Variants in SGIP1 observed in about 807,000 individuals in gnomAD.
SGIP1 encodes SH3-containing GRB2-like protein 3-interacting protein 1.
SGIP1 carries 38 observed loss-of-function variants against 107.5 expected under a neutral mutation model. The observed-to-expected ratio is 0.35, with a 90% confidence interval of 0.27 to 0.46. SGIP1 has a LOEUF of 0.46. Ranked by LOEUF, SGIP1 falls within the 20% of genes least tolerant of loss-of-function variation. SGIP1 has a pLI of 1.00. For synonymous variants in SGIP1, 365 were observed against 366.1 expected (o/e 1.00, Z 0.03); for missense variants, 929 against 1,019.5 (o/e 0.91, Z 1.21).
intron 20 of SGIP1, among the ~76,000 whole-genome samples, chr1:66,729,685 A>G (rs2093918854): frequency 6.6e-6 from 1 of 152,218 alleles, no homozygotes; most frequent in South Asian, 2.1e-4. Context: ...GAAAATCTGT[A>G]TCAGCAACAG....
At chr1:66,700,417 C>T (rs2091730452) in intron 18 of SGIP1, among the ~76,000 whole-genome samples, 1 of 151,676 alleles carries the variant, frequency 6.6e-6, no homozygotes, top group African/African-American at 2.4e-5. Flanking sequence ...CTCTGGCCAC[C>T]TAGCCAGAGG....
chr1:66,617,087 A>G (rs2069523814), intron 1 of SGIP1, among the ~76,000 whole-genome samples: 1 of 152,200 alleles, frequency 6.6e-6, no homozygotes, highest in East Asian at 1.9e-4. Context: ...TCAAGTAGAA[A>G]TGTAGGTGAA....
chr1:66,605,555 A>G (rs1160323222), intron 1 of SGIP1, among the ~76,000 whole-genome samples: 1 of 151,656 alleles, frequency 6.6e-6, no homozygotes, highest in Admixed American at 6.6e-5. Flanking sequence ...TTAAAGGTGT[A>G]TGAGAGGAGG....
At chr1:66,710,355 A>C (rs1295712875) in intron 18 of SGIP1, among the ~76,000 whole-genome samples, 2 of 152,096 alleles carry the variant, frequency 1.3e-5, no homozygotes, top group East Asian at 3.9e-4. Flanking sequence ...ACATGACACG[A>C]CTGTAAGGCA....
intron 18 of SGIP1, among the ~76,000 whole-genome samples, chr1:66,719,005 A>C (rs2093390596): frequency 6.6e-6 from 1 of 152,138 alleles, no homozygotes; most frequent in Non-Finnish European, 1.5e-5. Context: ...CTTATGTTTT[A>C]TGAGAAACAT....
chr1:66,739,322 G>C lies in SGIP1; in HGVS notation c.2032-13G>C. On this transcript the variant is annotated splice_polypyrimidine_tract_variant and intron_variant, in intron 21 of 24. Coordinates refer to ENST00000371037, the MANE Select transcript of SGIP1 (RefSeq NM_032291.4). ...GTCATATGTTGTTATTTTCTTTCCT[G>C]TCGTTCGGCAAGGTGTCTGCCCAGG... 2 of 1,605,324 alleles carry C rather than the reference G, an allele frequency of 1.2e-6. No homozygotes were observed. Among genetic ancestry groups the C allele is most frequent in the Non-Finnish European group, 1.7e-6 (2 of 1,179,448 alleles).
chr1:66,571,050 G>A (rs146483160), intron 1 of SGIP1, among the ~76,000 whole-genome samples: 30 of 151,974 alleles, frequency 2.0e-4, no homozygotes, highest in African/African-American at 6.7e-4. Context: ...CCTCCCAATG[G>A]GATGCAATAT....
intron 1 of SGIP1, among the ~76,000 whole-genome samples, chr1:66,625,399 A>G (rs2072415356): frequency 6.6e-6 from 1 of 152,232 alleles, no homozygotes; most frequent in Admixed American, 6.5e-5. Flanking sequence ...GGAATACGAG[A>G]CACAAAGATG....
chr1:66,688,992 GA>G (rs936368207), intron 15 of SGIP1, among the ~76,000 whole-genome samples, 155 bp from the exon 16 acceptor site: 6 of 90,164 alleles, frequency 6.7e-5, no homozygotes, highest in East Asian at 2.7e-4. Flanking sequence ...TCTTTATTAA[GA>G]AAAAAAAGAG....
At chr1:66,688,836 A>G (rs563014956) in intron 15 of SGIP1, among the ~76,000 whole-genome samples, 6 of 152,312 alleles carry the variant, frequency 3.9e-5, no homozygotes, top group African/African-American at 1.4e-4. Flanking sequence ...GATGATAATG[A>G]AAGGTACCTA....
intron 2 of SGIP1, among the ~76,000 whole-genome samples, chr1:66,630,556 C>CA (rs1238538798): frequency 5.3e-5 from 8 of 151,806 alleles, no homozygotes; most frequent in Non-Finnish European, 1.0e-4. Context: ...CCTGTAATTC[C>CA]AGCACTTTGG....
At chr1:66,666,937 C>T (rs931175710) in intron 8 of SGIP1, 3 of 152,160 alleles carry the variant, frequency 2.0e-5, no homozygotes, top group African/African-American at 7.2e-5. Context: ...TCTCATCATT[C>T]GCATCACATT....
upstream of SGIP1, chr1:66,533,500 G>A (rs553182039): frequency 2.3e-4 from 35 of 152,292 alleles, no homozygotes; most frequent in African/African-American, 7.5e-4. Context: ...AAGGCAGCTG[G>A]GGTGAAATTT....
rs1409748064 is a variant in SGIP1 at position 66,689,325 on chromosome 1, C to G, written c.1443+50C>G. 17 of 1,586,164 alleles carry G rather than the reference C, an allele frequency of 1.1e-5. No homozygotes were observed. In the South Asian group the frequency reaches 1.9e-4, roughly 17 times the overall value. On this transcript the variant is annotated intron_variant, in intron 16 of 24. Coordinates refer to ENST00000371037, the MANE Select transcript of SGIP1 (RefSeq NM_032291.4). ...GCTCAGAAACAGTGAGAATGACAAA[C>G]AGAAGCTCCAAATGCCTTCAGGTCT...
intron 1 of SGIP1, among the ~76,000 whole-genome samples, chr1:66,620,627 G>A (rs948079880): frequency 6.6e-6 from 1 of 152,124 alleles, no homozygotes; most frequent in Non-Finnish European, 1.5e-5. Context: ...ACCAGCATGG[G>A]GGAAATTGCT....
chr1:66,616,244 T>TATTTTCAAATTTTGATG (rs1375943791), intron 1 of SGIP1: 72 of 152,342 alleles, frequency 4.7e-4, no homozygotes, highest in Middle Eastern at 3.4e-3. Flanking sequence ...AAATTTTGAT[T>TATTTTCAAATTTTGATG]ATTTTCAAAT....
At position 66,736,250 on chromosome 1, in the gene SGIP1, AATATTTTAAATATAAATATTTAT is replaced by A. The variant is rs1233243160; in HGVS notation, c.2031+2372_2031+2394del. Among the ~76,000 whole-genome samples the A allele has an allele frequency of 1.7e-4, 24 of 140,444 alleles. No homozygotes were observed. The Middle Eastern group carries it at 0.012, about 71-fold the overall frequency. 92.1% of individuals were successfully genotyped at this position (140,444 alleles called of 152,430 possible). On this transcript the variant is annotated intron_variant, in intron 21 of 24. Coordinates refer to ENST00000371037, the MANE Select transcript of SGIP1 (RefSeq NM_032291.4). ...TATTTTAAATATAAATATTTATACA[AATATTTTAAATATAAATATTTAT>A]ACAAATAGTTTAAAATATTATATAA...
chr1:66,638,981 CAT>C (rs1371941498), intron 4 of SGIP1, among the ~76,000 whole-genome samples: 1 of 152,194 alleles, frequency 6.6e-6, no homozygotes, highest in African/African-American at 2.4e-5. Context: ...GCTCACAAGA[CAT>C]AGAAAATCTT....
At chr1:66,605,750 C>A (rs1453843928) in intron 1 of SGIP1, among the ~76,000 whole-genome samples, 1 of 151,986 alleles carries the variant, frequency 6.6e-6, no homozygotes, top group East Asian at 1.9e-4. Flanking sequence ...AATTTGGTGT[C>A]TGAGGGTGAA....
Sources: gnomAD v4.1 joint callset for allele counts (sites outside exome capture counted in the v4.1 genomes callset) on GRCh38, gnomAD v4.1.1 for gene constraint, MANE v1.5 for transcripts, NCBI Gene and HGNC (gene_info 2026-07-23, HGNC 2026-07-21) for gene names.